The following SLCO6A1 variants were observed in gnomAD, a reference collection of about 807,000 sequenced individuals.
The protein encoded by SLCO6A1 is solute carrier organic anion transporter family member 6A1.
A neutral mutation model predicts 72.7 loss-of-function variants in SLCO6A1; 65 were observed. The ratio of observed to expected loss-of-function variants is 0.89; its 90% confidence interval spans 0.73 to 1.10. The LOEUF (loss-of-function observed/expected upper bound fraction) is 1.10. Ranked by LOEUF, SLCO6A1 falls within the 50% of genes least tolerant of loss-of-function variation. The pLI, the probability that SLCO6A1 is intolerant of heterozygous loss-of-function variation, is 0.00. For missense variants in SLCO6A1, 874 were observed against 872.6 expected (o/e 1.00, Z -0.02); for synonymous variants, 314 against 298.2 (o/e 1.05, Z -0.55).
chr5:102,376,119 A>C (rs1479029402), intron 12 of SLCO6A1, among the ~76,000 whole-genome samples: 2 of 152,216 alleles, frequency 1.3e-5, no homozygotes, highest in Non-Finnish European at 2.9e-5. Context: ...CGCCAGAAAC[A>C]ATGGAGACCA....
chr5:102,466,221 A>T (rs1016164716), intron 4 of SLCO6A1, among the ~76,000 whole-genome samples: 1 of 151,608 alleles, frequency 6.6e-6, no homozygotes, highest in East Asian at 1.9e-4. Context: ...TTTCCTATCT[A>T]TGTATCTATG....
intron 9 of SLCO6A1, among the ~76,000 whole-genome samples, chr5:102,403,920 T>C (rs1747531448): frequency 6.6e-6 from 1 of 152,116 alleles, no homozygotes; most frequent in Admixed American, 6.5e-5. Flanking sequence ...TTACCTATTT[T>C]TCTACTTATT....
intron 4 of SLCO6A1, among the ~76,000 whole-genome samples, chr5:102,470,452 T>C (rs10052860): frequency 7.2e-5 from 11 of 151,780 alleles, no homozygotes; most frequent in Non-Finnish European, 1.6e-4. Context: ...TGCATAGAGA[T>C]GTTTATAGTA....
intron 12 of SLCO6A1, 89 bp downstream of exon 12, chr5:102,388,599 T>C: frequency 9.8e-7 from 1 of 1,023,274 alleles, no homozygotes; most frequent in South Asian, 2.0e-5. Flanking sequence ...TAATTCATGG[T>C]TTAAAATTAT....
At chr5:102,460,083 C>G (rs1750947280) in intron 4 of SLCO6A1, among the ~76,000 whole-genome samples, 1 of 151,894 alleles carries the variant, frequency 6.6e-6, no homozygotes, top group African/African-American at 2.4e-5. Context: ...TTTTTATCCA[C>G]CAGAAGCTAT....
rs552435716 is a variant in SLCO6A1 at position 102,427,343 on chromosome 5, C to T, written c.1277-7322G>A. Among the ~76,000 whole-genome samples, 9 of 152,110 alleles carry T rather than the reference C, an allele frequency of 5.9e-5. No homozygotes were observed. The South Asian group carries it at 1.7e-3, about 28-fold the overall frequency. On this transcript the variant is annotated intron_variant, in intron 7 of 13. Coordinates refer to ENST00000506729, the MANE Select transcript of SLCO6A1 (RefSeq NM_173488.5). ...GTACAGGGGAGAAACCTGGCAAATG[C>T]TACCTCAGCCAGGTGATCAAAGTCA...
At chr5:102,446,849 G>T (rs1750137561) in intron 6 of SLCO6A1, among the ~76,000 whole-genome samples, 1 of 152,118 alleles carries the variant, frequency 6.6e-6, no homozygotes, top group Admixed American at 6.5e-5. Flanking sequence ...CTGCCTCCTG[G>T]GTTCAAGTGA....
chr5:102,416,368 T>TAC (rs1748286886), intron 8 of SLCO6A1, among the ~76,000 whole-genome samples: 1 of 151,908 alleles, frequency 6.6e-6, no homozygotes, highest in African/African-American at 2.4e-5. Context: ...TACATATATA[T>TAC]ACACACACGT....
At chr5:102,416,859 A>G (rs996261942) in intron 8 of SLCO6A1, among the ~76,000 whole-genome samples, 1 of 152,176 alleles carries the variant, frequency 6.6e-6, no homozygotes, top group Admixed American at 6.6e-5. Context: ...TACAAATGTC[A>G]ATTAAGACAG....
At chr5:102,458,763 T>G (rs563350511) in intron 5 of SLCO6A1, among the ~76,000 whole-genome samples, 1 of 152,286 alleles carries the variant, frequency 6.6e-6, no homozygotes, top group African/African-American at 2.4e-5. Flanking sequence ...ATACTTGAAA[T>G]GTAGCTCCTA....
chr5:102,453,221 T>G (rs1000001316), intron 6 of SLCO6A1, among the ~76,000 whole-genome samples: 2 of 151,898 alleles, frequency 1.3e-5, no homozygotes, highest in African/African-American at 4.8e-5. Flanking sequence ...TAGCTGGGTA[T>G]GGTGATGTGC....
intron 9 of SLCO6A1, among the ~76,000 whole-genome samples, chr5:102,410,323 C>T (rs184838749): frequency 3.8e-4 from 58 of 152,258 alleles, no homozygotes; most frequent in African/African-American, 1.3e-3. Context: ...TCCTTCATTG[C>T]TCCATCCTCT....
chr5:102,481,134 T>C (rs1170393590), intron 1 of SLCO6A1, among the ~76,000 whole-genome samples: 8 of 152,226 alleles, frequency 5.3e-5, no homozygotes, highest in Non-Finnish European at 1.0e-4. Context: ...AAATGGTTAC[T>C]AATCAAAATT....
chr5:102,471,517 G>A (rs145077007), intron 4 of SLCO6A1, among the ~76,000 whole-genome samples: 22 of 152,108 alleles, frequency 1.4e-4, no homozygotes, highest in Admixed American at 7.2e-4. Flanking sequence ...ATTCTCTAGC[G>A]TTGTTAAAAG....
intron 7 of SLCO6A1, among the ~76,000 whole-genome samples, chr5:102,422,169 A>G (rs190273014): frequency 3.7e-4 from 57 of 152,326 alleles, no homozygotes; most frequent in African/African-American, 1.3e-3. Flanking sequence ...ATGAGGAAAA[A>G]CCAGTGCAAA....
At chr5:102,381,233 C>A (rs932938848) in intron 12 of SLCO6A1, among the ~76,000 whole-genome samples, 7 of 151,706 alleles carry the variant, frequency 4.6e-5, no homozygotes, top group Admixed American at 4.6e-4. Context: ...TCTCATTTCC[C>A]ATTTCCATCA....
At chr5:102,458,183 A>G (rs1431519194) in intron 6 of SLCO6A1, among the ~76,000 whole-genome samples, 199 bp downstream of exon 6, 2 of 152,134 alleles carry the variant, frequency 1.3e-5, no homozygotes, top group Admixed American at 6.5e-5. Flanking sequence ...GCACACCAAC[A>G]TGGCACATGT....
intron 6 of SLCO6A1, 36 bp from the exon 7 acceptor site, chr5:102,438,797 T>C (rs1749688192): frequency 7.1e-7 from 1 of 1,401,882 alleles, no homozygotes; most frequent in Non-Finnish European, 9.4e-7. Context: ...TATTATTTTA[T>C]TTTGTTAGAT....
At chr5:102,436,905 C>T (rs1461651768) in intron 7 of SLCO6A1, among the ~76,000 whole-genome samples, 5 of 152,134 alleles carry the variant, frequency 3.3e-5, no homozygotes, top group Non-Finnish European at 5.9e-5. Flanking sequence ...ACAAGCCTTA[C>T]TTGTCAAATG....
Sources: gnomAD v4.1 joint callset for allele counts (sites outside exome capture counted in the v4.1 genomes callset) on GRCh38, gnomAD v4.1.1 for gene constraint, MANE v1.5 for transcripts, NCBI Gene and HGNC (gene_info 2026-07-23, HGNC 2026-07-21) for gene names.